MYO1E: variants seen among roughly 807,000 people sequenced by gnomAD.
MYO1E encodes the protein myosin IE, also known as unconventional myosin-Ie.
A neutral mutation model predicts 151.1 loss-of-function variants in MYO1E; 68 were observed. The ratio of observed to expected loss-of-function variants is 0.45; its 90% CI spans 0.37 to 0.55. The LOEUF is 0.55. Among genes scored for constraint, MYO1E ranks in the 20% least tolerant of loss-of-function variants. MYO1E has a pLI of 0.00. For synonymous variants in MYO1E, 601 were observed against 501.7 expected (o/e 1.20, Z -2.64); for missense variants, 1,363 against 1,389.3 (o/e 0.98, Z 0.30).
At chr15:59,254,018 C>G (rs543731794) in intron 4 of MYO1E, among the ~76,000 whole-genome samples, 1 of 148,756 alleles carries the variant, frequency 6.7e-6, no homozygotes, top group South Asian at 2.2e-4. Flanking sequence ...TTGTTTGGAT[C>G]CTAAATAAAA....
At chr15:59,338,405 G>A (rs1484240971) in intron 1 of MYO1E, among the ~76,000 whole-genome samples, 1 of 151,738 alleles carries the variant, frequency 6.6e-6, no homozygotes, top group South Asian at 2.1e-4. Flanking sequence ...TGGTCAATGA[G>A]AGGACTGTGT....
chr15:59,243,544 G>A (rs558214944), intron 4 of MYO1E, among the ~76,000 whole-genome samples: 1 of 152,260 alleles, frequency 6.6e-6, no homozygotes, highest in African/African-American at 2.4e-5. Flanking sequence ...GGAGGTGAGA[G>A]AGTCTGTGTC....
At chr15:59,160,949 G>T in intron 24 of MYO1E, 124 bp downstream of exon 24, 1 of 1,302,534 alleles carries the variant, frequency 7.7e-7, no homozygotes, top group Non-Finnish European at 1.1e-6. Context: ...GAAAGCGTGA[G>T]CCCCAGCAAG....
intron 25 of MYO1E, among the ~76,000 whole-genome samples, chr15:59,155,859 G>C (rs58531321): frequency 1.3e-5 from 2 of 152,006 alleles, no homozygotes; most frequent in South Asian, 2.1e-4. Flanking sequence ...GCCCTTTTCT[G>C]GGGGGAAGGT....
chr15:59,234,981 G>A (rs542787274), intron 5 of MYO1E, among the ~76,000 whole-genome samples: 3 of 152,204 alleles, frequency 2.0e-5, no homozygotes, highest in South Asian at 2.1e-4. Flanking sequence ...GGTGATGAGC[G>A]CCAAGCTTGG....
Position 59,205,483 on chromosome 15 carries a change from T to C in MYO1E, c.1533A>G (p.Val511=), listed in dbSNP as rs769278947. 33 of 1,596,360 alleles carry C rather than the reference T, an allele frequency of 2.1e-5. No individual in the cohort carries two copies. The highest frequency in any genetic ancestry group is 2.7e-5 in the Non-Finnish European group (32 of 1,168,594). Residue 511 remains valine, a splice_region_variant and synonymous_variant, in exon 15 of 28, where the codon GTA becomes GTG. Transcript: ENST00000288235. The part of the protein sequence containing the change: ...GFIIHHYAGK[V]SYDMDGFCER... ...CACAAAAGCCATCCATGTCATAGGA[T>C]ACCTGGCCAAGAATGGAAAGAAATC...
intron 4 of MYO1E, among the ~76,000 whole-genome samples, chr15:59,252,488 G>T (rs1001041578): frequency 2.3e-4 from 35 of 152,182 alleles, no homozygotes; most frequent in African/African-American, 8.2e-4. Context: ...GCTAAGACAG[G>T]CGGATTACCT....
chr15:59,184,463 C>G (rs1013514209), intron 18 of MYO1E, among the ~76,000 whole-genome samples: 2 of 152,088 alleles, frequency 1.3e-5, no homozygotes, highest in African/African-American at 2.4e-5. Flanking sequence ...CGAGTTCAAG[C>G]AATTTTCCCG....
chr15:59,306,363 T>C (rs2080514851), intron 1 of MYO1E, among the ~76,000 whole-genome samples: 2 of 150,970 alleles, frequency 1.3e-5, no homozygotes, highest in Admixed American at 6.6e-5. Flanking sequence ...TGTCTTACTC[T>C]TTCTTTCTCA....
chr15:59,238,509 A>G (rs1229835672), intron 4 of MYO1E, among the ~76,000 whole-genome samples: 1 of 152,242 alleles, frequency 6.6e-6, no homozygotes, highest in East Asian at 1.9e-4. Flanking sequence ...ATGTGAAAAT[A>G]ATGTATGGGC....
chr15:59,143,029 C>A (rs1347372036), intron 26 of MYO1E, among the ~76,000 whole-genome samples: 1 of 151,448 alleles, frequency 6.6e-6, no homozygotes, highest in Non-Finnish European at 1.5e-5. Flanking sequence ...TAAATAAGAC[C>A]TAAGGGGATG....
At chr15:59,336,421 G>C (rs1303910191) in intron 1 of MYO1E, among the ~76,000 whole-genome samples, 2 of 151,838 alleles carry the variant, frequency 1.3e-5, no homozygotes, top group African/African-American at 4.8e-5. Flanking sequence ...ACATAAATAA[G>C]GTAAATAAGG....
chr15:59,344,068 A>G (rs563387427), intron 1 of MYO1E, among the ~76,000 whole-genome samples: 3 of 152,120 alleles, frequency 2.0e-5, no homozygotes, highest in Non-Finnish European at 4.4e-5. Flanking sequence ...ATGCTTGTGG[A>G]TATTCATGGA....
In MYO1E at chr15:59,135,664, TTAAATG is replaced by T. The variant is rs1256192335; in HGVS notation, c.*1710_*1715del. 2 of 152,244 alleles carry T rather than the reference TTAAATG, an allele frequency of 1.3e-5. No individual in the cohort carries two copies. The highest frequency in any genetic ancestry group is 2.4e-5 in the African/African-American group (1 of 41,470). 9.4% of individuals were successfully genotyped at this position (152,244 alleles called of 1,614,324 possible). On this transcript the variant is annotated 3_prime_UTR_variant, in exon 28 of 28. Transcript: ENST00000288235. ...GTTCTTGAAGTAAAACACAGCAGAA[TTAAATG>T]TATCTTCGTTTCAAATCTAGATCAA...
intron 4 of MYO1E, among the ~76,000 whole-genome samples, chr15:59,247,842 C>T (rs1426649228): frequency 2.0e-5 from 3 of 152,198 alleles, no homozygotes; most frequent in Admixed American, 2.0e-4. Context: ...TGAACCTAGG[C>T]CAGCCATGGC....
chr15:59,167,741 A>G (rs1282076466), intron 22 of MYO1E, among the ~76,000 whole-genome samples: 1 of 152,134 alleles, frequency 6.6e-6, no homozygotes, highest in Non-Finnish European at 1.5e-5. Context: ...CAGTGGTGTG[A>G]TCTTGGCTCA....
chr15:59,316,490 AT>A (rs1453023171), intron 1 of MYO1E, among the ~76,000 whole-genome samples: 27 of 152,256 alleles, frequency 1.8e-4, no homozygotes, highest in African/African-American at 6.3e-4. Flanking sequence ...TTATAGCAGT[AT>A]TATAGAGAGA....
At chr15:59,206,840 C>A (rs567853922) in intron 14 of MYO1E, 2 of 1,245,208 alleles carry the variant, frequency 1.6e-6, no homozygotes, top group South Asian at 3.1e-5. Context: ...GCGCACCTGC[C>A]GTAGAGTGCT....
intron 1 of MYO1E, among the ~76,000 whole-genome samples, chr15:59,326,315 C>T (rs558733274): frequency 1.3e-5 from 2 of 151,984 alleles, no homozygotes; most frequent in South Asian, 2.1e-4. Context: ...GTCAGGAGAT[C>T]GAGACCATCC....
Sources: allele counts gnomAD v4.1 joint callset (sites outside exome capture counted in the v4.1 genomes callset), GRCh38; gene constraint gnomAD v4.1.1; transcripts MANE v1.5; gene names NCBI Gene and HGNC (gene_info 2026-07-23, HGNC 2026-07-21).